Variants in URB2 observed in about 807,000 individuals in gnomAD.
URB2 encodes URB2 ribosome biogenesis homolog.
In URB2, 86 loss-of-function variants were observed where a neutral mutation model predicts 120.9. The observed-to-expected ratio is 0.71, with a 90% CI of 0.60 to 0.85. The LOEUF is 0.85. Ranked by LOEUF, URB2 falls within the 40% of genes least tolerant of loss-of-function variation. URB2 has a pLI of 0.00. For synonymous variants in URB2, 755 were observed against 758.4 expected (o/e 1.00, Z 0.07); for missense variants, 1,765 against 1,836.5 (o/e 0.96, Z 0.71).
intron 8 of URB2, among the ~76,000 whole-genome samples, chr1:229,651,741 C>G (rs1666278652): frequency 6.6e-6 from 1 of 152,194 alleles, no homozygotes; most frequent in Non-Finnish European, 1.5e-5. Context: ...GCTCACTGTT[C>G]CAGCCTCACC....
Position 229,635,253 on chromosome 1 carries a change from G to T in URB2, c.640G>T (p.Gly214Trp). 6.2e-7 allele frequency: 1 copy of T among 1,614,218 alleles called. No individual in the cohort carries two copies. ...PCLVLRHLLSGGTWTQAGQGQ... is the reference protein window; with the variant it reads ...PCLVLRHLLSWGTWTQAGQGQ... Reference sequence around the variant, plus strand: ...CCTGGTCCTGAGGCACTTACTCTCTGGGGGCACATGGACGCAGGCTGGCCA... The same window carrying T: ...CCTGGTCCTGAGGCACTTACTCTCTTGGGGCACATGGACGCAGGCTGGCCA... The change falls in exon 4 of 10, where the codon GGG becomes TGG. Residue 214 changes from glycine to tryptophan, a missense_variant. Coordinates refer to ENST00000258243, the MANE Select transcript of URB2 (RefSeq NM_014777.4).
chr1:229,637,866 T>C lies in URB2; in HGVS notation c.3253T>C (p.Ser1085Pro), dbSNP rs139656109. 3 of 1,601,340 alleles carry C rather than the reference T, an allele frequency of 1.9e-6. No homozygotes were observed. Among genetic ancestry groups the C allele is most frequent in the African/African-American group, 2.7e-5 (2 of 74,356 alleles). The change falls in exon 4 of 10, where the codon TCT (serine) becomes CCT (proline). Residue 1085 changes from serine to proline, a missense_variant. Ser to Pro is a moderately conservative substitution (Grantham distance 74). Transcript: ENST00000258243. The part of the protein sequence containing the change: ...KLGQEAPAAL[S>P]ELLQQVVLQT... ...GGGCCAAGAGGCCCCAGCAGCACTG[T>C]CTGAGCTGCTGCAGCAGGTTGTGCT...
Position 229,656,970 on chromosome 1 carries a change from C to T in URB2, c.4378-2130C>T, listed in dbSNP as rs141046449. ...TGCATTCAGTACTTGATAAACCCAT[C>T]GTAAAAGTGAAAAAATCGTAAGTTG... On this transcript the variant is annotated intron_variant, in intron 9 of 9. Transcript: ENST00000258243. Among the ~76,000 whole-genome samples the T allele has an allele frequency of 1.1e-3, 168 of 152,242 alleles. 2 individuals are homozygous for T. The highest frequency in any genetic ancestry group is 3.7e-3 in the African/African-American group (153 of 41,542).
rs374430308 is a variant in URB2, at chr1:229,635,858, G to A, written c.1245G>A (p.Leu415=). The change falls in exon 4 of 10, where the codon TTG becomes TTA. Residue 415 remains leucine (L), a synonymous_variant. Coordinates refer to ENST00000258243, the MANE Select transcript of URB2 (RefSeq NM_014777.4). The part of the protein sequence containing the change: ...IPAWFRCLKT[L]ISLNHLILEP... The stretch of plus-strand genomic sequence containing the variant: ...CCTGGTTCCGCTGTCTGAAGACTTT[G>A]ATATCTCTGAATCATTTGATTTTGG... 3.7e-6 allele frequency: 6 copies of A among 1,614,028 alleles called. No individual in the cohort carries two copies. The highest frequency in any genetic ancestry group is 3.3e-5 in the Admixed American group (2 of 60,016).
chr1:229,639,537 C>T (rs571640663), intron 4 of URB2, among the ~76,000 whole-genome samples: 1 of 152,174 alleles, frequency 6.6e-6, no homozygotes, highest in African/African-American at 2.4e-5. Context: ...AGGGTTTCAC[C>T]ATGTTAGCCA....
chr1:229,655,499 G>T (rs1380836832), intron 9 of URB2, among the ~76,000 whole-genome samples: 1 of 152,188 alleles, frequency 6.6e-6, no homozygotes, highest in Non-Finnish European at 1.5e-5. Context: ...CTCCCAAAGT[G>T]CCAGGATTAC....
rs1461230836 is a variant in URB2 at position 229,637,766 on chromosome 1, G to A, written c.3153G>A (p.Gln1051=). Reference sequence around the variant, plus strand: ...AACAATTAGAAAATCAGAACCCCCAGGGCAGGCAGCTCCTTCTGGTGTCTT... The same window carrying A: ...AACAATTAGAAAATCAGAACCCCCAAGGCAGGCAGCTCCTTCTGGTGTCTT... ...SSKQLENQNP[Q]GRQLLLVSLT... The change falls in exon 4 of 10, where the codon CAG becomes CAA. Residue 1051 remains glutamine (Q), a synonymous_variant. Transcript: ENST00000258243. The A allele has an allele frequency of 1.2e-6, 2 of 1,614,116 alleles. No homozygotes were observed. Among genetic ancestry groups the A allele is most frequent in the South Asian group, 1.1e-5 (1 of 91,080 alleles).
At position 229,643,729 on chromosome 1, in the gene URB2, G is replaced by T. The variant is rs762653497; in HGVS notation, c.3795+36G>T. 5.0e-6 allele frequency: 8 copies of T among 1,597,772 alleles called. No homozygotes were observed. In the Admixed American group the frequency reaches 1.4e-4, roughly 28 times the overall value. ...TCTCCCTCCTTGTGTGGCAGGCTCA[G>T]AAACCACGTCGGCTCAAATGGGAAA... On this transcript the variant is annotated intron_variant, in intron 5 of 9. Transcript: ENST00000258243.
chr1:229,643,962 C>T (rs1473758779), intron 5 of URB2, among the ~76,000 whole-genome samples: 1 of 152,228 alleles, frequency 6.6e-6, no homozygotes, highest in African/African-American at 2.4e-5. Flanking sequence ...TACACATTCA[C>T]AAAACTGATC....
chr1:229,631,002 AAAAG>A (rs1558161354), intron 2 of URB2, among the ~76,000 whole-genome samples: 1 of 151,132 alleles, frequency 6.6e-6, no homozygotes. Context: ...AAAAAAAAAA[AAAAG>A]AAAGTCCTGA....
At chr1:229,647,280 C>T (rs540522421) in intron 6 of URB2, among the ~76,000 whole-genome samples, 1 of 152,320 alleles carries the variant, frequency 6.6e-6, no homozygotes, top group South Asian at 2.1e-4. Flanking sequence ...AGACTTTGAG[C>T]TGTCCTTCCT....
chr1:229,629,872 T>C (rs755758270), intron 2 of URB2, among the ~76,000 whole-genome samples: 1 of 152,238 alleles, frequency 6.6e-6, no homozygotes. Flanking sequence ...TTCTCAATCC[T>C]TTGTTGTCAT....
Position 229,630,112 on chromosome 1 carries a change from C to T in URB2, c.127-2157C>T, listed in dbSNP as rs368171762. ...CATGAGGACTGGAATCAGCTTCTTC[C>T]AAACTCCTGATAATGTTGATATTTT... On this transcript the variant is annotated intron_variant, in intron 2 of 9. Coordinates refer to ENST00000258243, the MANE Select transcript of URB2 (RefSeq NM_014777.4). 2.6e-5 allele frequency among the ~76,000 whole-genome samples: 4 copies of T among 152,194 alleles called. No individual in the cohort carries two copies. The East Asian group carries it at 5.8e-4, about 22-fold the overall frequency.
At chr1:229,653,936 G>GTTTTTTT (rs760894683) in intron 8 of URB2, among the ~76,000 whole-genome samples, 2 of 60,552 alleles carry the variant, frequency 3.3e-5, no homozygotes, top group Non-Finnish European at 6.3e-5. Context: ...CCATCTTGGT[G>GTTTTTTT]TTTTTTTTTT....
chr1:229,637,062 A>G lies in URB2; in HGVS notation c.2449A>G (p.Thr817Ala). The G allele has an allele frequency of 6.2e-7, 1 of 1,614,042 alleles. No individual in the cohort carries two copies. Residue 817 changes from threonine to alanine, a missense_variant, in exon 4 of 10, where the codon ACA becomes GCA. By Grantham distance (58) the Thr-to-Ala change is moderately conservative. Coordinates refer to ENST00000258243, the MANE Select transcript of URB2 (RefSeq NM_014777.4). ...LHSAFLTCVT[T>A]SCSSILCSGA... is the part of the protein sequence containing the mutation. ...TTCTGCTTTCTTAACGTGCGTAACCACAAGTTGCTCCAGCATTCTGTGTTC... is the reference window on the plus strand; with the variant it reads ...TTCTGCTTTCTTAACGTGCGTAACCGCAAGTTGCTCCAGCATTCTGTGTTC...
intron 5 of URB2, among the ~76,000 whole-genome samples, chr1:229,645,199 C>T (rs545500477): frequency 6.6e-6 from 1 of 151,650 alleles, no homozygotes; most frequent in East Asian, 1.9e-4. Context: ...GCAGGAGAAT[C>T]GCTTGAGCCC....
In URB2 at chr1:229,632,661, C is replaced by T. The variant is rs116053477; in HGVS notation, c.303+216C>T. Reference sequence around the variant, plus strand: ...TTTAATATTCAAAAAAAGCTTGGAACGATTTCATAAACAGGTCATTGATTA... The same window carrying T: ...TTTAATATTCAAAAAAAGCTTGGAATGATTTCATAAACAGGTCATTGATTA... On this transcript the variant is annotated intron_variant, in intron 3 of 9. Transcript: ENST00000258243. Among the ~76,000 whole-genome samples the T allele has an allele frequency of 6.7e-3, 1,027 of 152,250 alleles. 12 individuals carry two copies. The highest frequency in any genetic ancestry group is 0.023 in the African/African-American group (964 of 41,544).
At chr1:229,647,462 C>T (rs781603367) in intron 6 of URB2, 48 bp from the exon 7 acceptor site, 2 of 1,587,306 alleles carry the variant, frequency 1.3e-6, no homozygotes, top group South Asian at 1.1e-5. Flanking sequence ...TGTGTTATTT[C>T]CTTGGGGAAT....
intron 4 of URB2, among the ~76,000 whole-genome samples, chr1:229,639,228 C>T (rs1054167479): frequency 2.6e-5 from 4 of 151,714 alleles, no homozygotes; most frequent in African/African-American, 7.3e-5. Flanking sequence ...CCAGGGAGGT[C>T]GGTGCTGCAG....
Sources: gnomAD v4.1 joint callset for allele counts (sites outside exome capture counted in the v4.1 genomes callset) on GRCh38, gnomAD v4.1.1 for gene constraint, MANE v1.5 for transcripts, NCBI Gene and HGNC (gene_info 2026-07-23, HGNC 2026-07-21) for gene names.